Variants in TK2 observed in about 807,000 individuals in gnomAD.
The protein encoded by TK2 is thymidine kinase 2.
A neutral mutation model predicts 41.9 loss-of-function variants in TK2; 35 were observed. The ratio of observed to expected loss-of-function variants is 0.84; its 90% CI spans 0.64 to 1.11. The LOEUF is 1.11. Ranked by LOEUF, TK2 falls within the 50% of genes least tolerant of loss-of-function variation. The probability of loss-of-function intolerance (pLI) is 0.00; values close to 1 mark genes in which losing one functional copy is unlikely to be tolerated. For synonymous variants in TK2, 128 were observed against 129.1 expected (o/e 0.99, Z 0.06); for missense variants, 320 against 351.1 (o/e 0.91, Z 0.71).
chr16:66,519,358 T>A (rs763506273), intron 6 of TK2, among the ~76,000 whole-genome samples: 1 of 152,162 alleles, frequency 6.6e-6, no homozygotes, highest in Non-Finnish European at 1.5e-5. Context: ...TTTGTATTTT[T>A]AGTAGACACG....
chr16:66,550,267 T>G, upstream of TK2: 1 of 1,593,288 alleles, frequency 6.3e-7, no homozygotes, highest in Non-Finnish European at 8.5e-7. Context: ...GCTAGGACGC[T>G]GGCAGAACGC....
rs1233931694 is a variant in TK2 at position 66,535,054 on chromosome 16, C to G, written c.285+1910G>C. On this transcript the variant is annotated intron_variant, in intron 4 of 9. Transcript: ENST00000544898. ...AAACTCCAGTGTTCTTCATTGAGAA[C>G]TGCAGACTCCTCTGACTGCAGTTGA... Among the ~76,000 whole-genome samples the G allele has an allele frequency of 2.0e-5, 3 of 152,176 alleles. No homozygotes were observed. The East Asian group carries it at 5.8e-4, about 29-fold the overall frequency.
upstream of TK2, chr16:66,550,161 C>G (rs1290282252): frequency 1.2e-6 from 2 of 1,612,718 alleles, no homozygotes; most frequent in Non-Finnish European, 8.5e-7. Flanking sequence ...ATCCCGGCGC[C>G]TGGCCCTTAA....
rs1964362259 is a variant in TK2 at position 66,508,709 on chromosome 16, A to C, written c.*3259T>G. 1 of 152,240 alleles carries C rather than the reference A, an allele frequency of 6.6e-6. No individual in the cohort carries two copies. Among genetic ancestry groups the C allele is most frequent in the Non-Finnish European group, 1.5e-5 (1 of 68,052 alleles). The allele number at this position is 152,240 out of a possible 1,614,324, so 9.4% of individuals were successfully genotyped here. The stretch of plus-strand genomic sequence containing the variant: ...GGGTCTAATGGTGCATGTCTGCAGG[A>C]AGATTGTTCTGACTGATATATTCCC... On this transcript the variant is annotated 3_prime_UTR_variant, in exon 10 of 10. Coordinates refer to ENST00000544898, the MANE Select transcript of TK2 (RefSeq NM_004614.5).
At chr16:66,542,780 A>T (rs1301864429) in intron 2 of TK2, among the ~76,000 whole-genome samples, 1 of 152,232 alleles carries the variant, frequency 6.6e-6, no homozygotes, top group African/African-American at 2.4e-5. Context: ...GCTATACGCT[A>T]GGACCACCTG....
intron 4 of TK2, among the ~76,000 whole-genome samples, chr16:66,533,180 C>T (rs1300721923): frequency 6.6e-6 from 1 of 151,318 alleles, no homozygotes; most frequent in Non-Finnish European, 1.5e-5. Context: ...AGCGATTCTC[C>T]TGCCTCAGCC....
chr16:66,550,063 G>C lies in TK2; in HGVS notation c.-2C>G. 6.3e-7 allele frequency: 1 copy of C among 1,585,368 alleles called. No homozygotes were observed. Among genetic ancestry groups the C allele is most frequent in the Non-Finnish European group, 8.6e-7 (1 of 1,167,488 alleles). On this transcript the variant is annotated 5_prime_UTR_variant, in exon 1 of 10. Coordinates refer to ENST00000544898, the MANE Select transcript of TK2 (RefSeq NM_004614.5). ...GCCCCGCAGCGGCCACAGCAGCATA[G>C]CCGGGCGAGCGGATCCAGAGGCCCG...
chr16:66,516,389 G>A (rs1012549802), intron 8 of TK2, among the ~76,000 whole-genome samples: 34 of 152,332 alleles, frequency 2.2e-4, no homozygotes, highest in African/African-American at 7.7e-4. Flanking sequence ...GGATGATAAC[G>A]CCAGAGAGGC....
At chr16:66,512,726 C>T (rs1015048913) in intron 9 of TK2, among the ~76,000 whole-genome samples, 1 of 152,122 alleles carries the variant, frequency 6.6e-6, no homozygotes, top group African/African-American at 2.4e-5. Context: ...GAGGTTGCAG[C>T]GAGCCGAGAT....
intron 6 of TK2, among the ~76,000 whole-genome samples, chr16:66,526,484 T>C (rs1199505502): frequency 6.6e-6 from 1 of 152,206 alleles, no homozygotes; most frequent in Non-Finnish European, 1.5e-5. Flanking sequence ...GTAATCAGGC[T>C]CATGCCTGTA....
intron 2 of TK2, among the ~76,000 whole-genome samples, chr16:66,543,828 C>T (rs565249934): frequency 4.6e-5 from 7 of 152,208 alleles, no homozygotes; most frequent in African/African-American, 1.2e-4. Flanking sequence ...TTGATCCTAA[C>T]GGGTATCCAG....
chr16:66,544,274 T>G (rs1234264188), intron 2 of TK2, among the ~76,000 whole-genome samples: 1 of 151,860 alleles, frequency 6.6e-6, no homozygotes, highest in African/African-American at 2.4e-5. Flanking sequence ...GCAAAGGGAG[T>G]CTTTACATTT....
In TK2 at chr16:66,510,206, T is replaced by G. The variant is rs1415544244; in HGVS notation, c.*1762A>C. 1 of 123,304 alleles carries G rather than the reference T, an allele frequency of 8.1e-6. No individual in the cohort carries two copies. Among genetic ancestry groups the G allele is most frequent in the Non-Finnish European group, 1.7e-5 (1 of 59,050 alleles). 7.6% of individuals were successfully genotyped at this position (123,304 alleles called of 1,614,324 possible). On this transcript the variant is annotated 3_prime_UTR_variant, in exon 10 of 10. Transcript: ENST00000544898. ...CTCAGGACCTCTTGAGATTGTGCCT[T>G]AGGCAAAAAAAAAAAAAAAAAAAGA...
chr16:66,546,513 G>A (rs1965611849), intron 2 of TK2: 1 of 151,432 alleles, frequency 6.6e-6, no homozygotes, highest in Non-Finnish European at 1.5e-5. Flanking sequence ...ACTAGACTGA[G>A]AATTTCGGCA....
At chr16:66,530,481 T>C (rs1483506489) in intron 5 of TK2, among the ~76,000 whole-genome samples, 2 of 152,216 alleles carry the variant, frequency 1.3e-5, no homozygotes, top group Non-Finnish European at 2.9e-5. Context: ...CCCCAACACC[T>C]GATTGAACCA....
At chr16:66,525,643 T>G (rs562313791) in intron 6 of TK2, among the ~76,000 whole-genome samples, 35 of 152,250 alleles carry the variant, frequency 2.3e-4, no homozygotes, top group South Asian at 1.5e-3. Context: ...CCCAGTAGCC[T>G]CTGGAGTGCC....
rs542445903 is a variant in TK2 at position 66,549,196 on chromosome 16, T to C, written c.125-187A>G. 2.1e-6 allele frequency: 3 copies of C among 1,454,346 alleles called. No individual in the cohort carries two copies. In the Admixed American group the frequency reaches 8.2e-5, roughly 40 times the overall value. 90.1% of individuals were successfully genotyped at this position (1,454,346 alleles called of 1,614,324 possible). A position where few individuals can be genotyped will look rare whatever the true frequency, so the allele number is the denominator to read the frequency against. ...GTCTCGCCGATGTGCCACCCTGGGC[T>C]GCAGCTGCAGCTTCGTGGACCCCCA... On this transcript the variant is annotated intron_variant, in intron 1 of 9. Coordinates refer to ENST00000544898, the MANE Select transcript of TK2 (RefSeq NM_004614.5).
At chr16:66,530,464 G>A (rs1421807300) in intron 5 of TK2, among the ~76,000 whole-genome samples, 1 of 152,150 alleles carries the variant, frequency 6.6e-6, no homozygotes. Flanking sequence ...GTGCCTTGGG[G>A]TCCTGTCCCC....
intron 4 of TK2, 56 bp from the exon 5 acceptor site, chr16:66,531,525 T>C: frequency 1.9e-6 from 3 of 1,560,178 alleles, no homozygotes; most frequent in Non-Finnish European, 2.6e-6. Context: ...AGGAGGACCC[T>C]GGTCTCACAA....
Sources: gnomAD v4.1 joint callset for allele counts (sites outside exome capture counted in the v4.1 genomes callset) on GRCh38, gnomAD v4.1.1 for gene constraint, MANE v1.5 for transcripts, NCBI Gene and HGNC (gene_info 2026-07-23, HGNC 2026-07-21) for gene names.